The following DCC variants were observed in gnomAD, a reference collection of about 807,000 sequenced individuals.
DCC encodes DCC netrin 1 receptor, also known as netrin receptor DCC.
A neutral mutation model predicts 172.5 loss-of-function variants in DCC; 58 were observed. The observed-to-expected ratio is 0.34, with a 90% confidence interval of 0.27 to 0.42. DCC has a LOEUF of 0.42. DCC is among the 10% of genes least tolerant of loss of function. The pLI is 1.00. For missense variants in DCC, 1,740 were observed against 1,791.0 expected, an observed-to-expected ratio of 0.97 and a Z score of 0.51; for synonymous variants, 709 against 644.5, an observed-to-expected ratio of 1.10 and a Z score of -1.52.
intron 5 of DCC, among the ~76,000 whole-genome samples, chr18:52,956,945 A>G (rs949919664): frequency 3.3e-5 from 5 of 152,130 alleles, no homozygotes; most frequent in African/African-American, 1.2e-4. Context: ...CAATTTGTCA[A>G]TAGCAAGGCC....
chr18:53,491,922 C>T (rs547226713), intron 26 of DCC, among the ~76,000 whole-genome samples: 1 of 152,318 alleles, frequency 6.6e-6, no homozygotes, highest in South Asian at 2.1e-4. Flanking sequence ...ATTTACACTC[C>T]AACCAACAGT....
At chr18:53,126,214 T>TA (rs2043554080) in intron 7 of DCC, among the ~76,000 whole-genome samples, 1 of 151,618 alleles carries the variant, frequency 6.6e-6, no homozygotes, top group South Asian at 2.1e-4. Flanking sequence ...AATTTTTGCA[T>TA]GTATTTTGCA....
At position 53,339,700 on chromosome 18, in the gene DCC, T is replaced by A; in HGVS notation, c.2165-13T>A. Reference sequence around the variant, plus strand: ...TATGAGACATGCTGATGATGCCTCTTTTTGAATGCTAGAATCTCAAGTTCC... The same window carrying A: ...TATGAGACATGCTGATGATGCCTCTATTTGAATGCTAGAATCTCAAGTTCC... On this transcript the variant is annotated splice_polypyrimidine_tract_variant and intron_variant, in intron 14 of 28. Coordinates refer to ENST00000442544, the MANE Select transcript of DCC (RefSeq NM_005215.4). The A allele has an allele frequency of 6.2e-7, 1 of 1,612,140 alleles. No individual in the cohort carries two copies. Among genetic ancestry groups the A allele is most frequent in the Non-Finnish European group, 8.5e-7 (1 of 1,178,208 alleles).
intron 1 of DCC, among the ~76,000 whole-genome samples, chr18:52,563,960 T>C (rs2033098255): frequency 6.6e-6 from 1 of 152,158 alleles, no homozygotes; most frequent in South Asian, 2.1e-4. Flanking sequence ...TGGGAACTTA[T>C]GTAGAAAAGT....
At chr18:52,854,158 A>G (rs1229221719) in intron 2 of DCC, among the ~76,000 whole-genome samples, 1 of 152,210 alleles carries the variant, frequency 6.6e-6, no homozygotes, top group Non-Finnish European at 1.5e-5. Flanking sequence ...ATCCCAGACC[A>G]CTGGAAAGCA....
intron 1 of DCC, among the ~76,000 whole-genome samples, chr18:52,636,490 G>A (rs2034783168): frequency 6.6e-6 from 1 of 152,086 alleles, no homozygotes; most frequent in South Asian, 2.1e-4. Flanking sequence ...GGGCTGTTGG[G>A]GCAGACACAG....
chr18:53,369,546 T>A (rs2058039445), intron 15 of DCC, among the ~76,000 whole-genome samples: 1 of 151,982 alleles, frequency 6.6e-6, no homozygotes, highest in Admixed American at 6.6e-5. Flanking sequence ...AAAGTGGGCA[T>A]CCTTGTCTTT....
chr18:52,856,699 T>C lies in DCC; in HGVS notation c.413-49345T>C, dbSNP rs571243867. 7.2e-5 allele frequency among the ~76,000 whole-genome samples: 11 copies of C among 152,204 alleles called. 1 individual carries two copies. The South Asian group carries it at 2.1e-3, about 29-fold the overall frequency. ...TCACTACAACTTTTAATTAGAATTT[T>C]GTTAGTCATAATGGAATCTTTATAT... On this transcript the variant is annotated intron_variant, in intron 2 of 28. Transcript: ENST00000442544.
chr18:52,340,958 GA>G, intron 1 of DCC, 80 bp downstream of exon 1: 1 of 1,112,250 alleles, frequency 9.0e-7, no homozygotes, highest in Non-Finnish European at 1.4e-6. Flanking sequence ...GCGAGTAGTA[GA>G]ATTGGGGTGG....
rs1006179735 is a variant in DCC, at chr18:53,066,176, T to A, written c.1261+10T>A. On this transcript the variant is annotated intron_variant, in intron 7 of 28. Coordinates refer to ENST00000442544, the MANE Select transcript of DCC (RefSeq NM_005215.4). ...ATTGTCCCTAAGCCTGGTAAGACAA[T>A]GGGAACCTTGCTTTGGTACCTGGAA... The A allele has an allele frequency of 1.2e-6, 2 of 1,612,064 alleles. No homozygotes were observed. The highest frequency in any genetic ancestry group is 1.7e-6 in the Non-Finnish European group (2 of 1,178,668).
At chr18:53,504,315 G>A (rs1029849524) in intron 27 of DCC, among the ~76,000 whole-genome samples, 9 of 152,188 alleles carry the variant, frequency 5.9e-5, no homozygotes, top group Non-Finnish European at 1.2e-4. Flanking sequence ...CACAGGCAGA[G>A]GTCATGGGAG....
chr18:52,854,430 A>G (rs975479740), intron 2 of DCC, among the ~76,000 whole-genome samples: 1 of 152,202 alleles, frequency 6.6e-6, no homozygotes, highest in Non-Finnish European at 1.5e-5. Context: ...AAAAATTCTA[A>G]ATGAAGAGTA....
intron 12 of DCC, among the ~76,000 whole-genome samples, chr18:53,256,609 C>T (rs1283974209): frequency 2.0e-5 from 3 of 152,164 alleles, no homozygotes; most frequent in African/African-American, 7.2e-5. Flanking sequence ...GTTTTGGTTA[C>T]TGTAGCCTTG....
intron 23 of DCC, among the ~76,000 whole-genome samples, chr18:53,451,632 A>G (rs2045414298): frequency 6.6e-6 from 1 of 151,864 alleles, no homozygotes; most frequent in African/African-American, 2.4e-5. Flanking sequence ...TGGTTTGACA[A>G]CTGTGTACTT....
At chr18:52,794,651 C>T (rs1336845352) in intron 2 of DCC, among the ~76,000 whole-genome samples, 1 of 151,994 alleles carries the variant, frequency 6.6e-6, no homozygotes, top group African/African-American at 2.4e-5. Context: ...GATTGCTGTG[C>T]TAGCACTTCC....
At chr18:53,003,749 T>C (rs1280302639) in intron 5 of DCC, among the ~76,000 whole-genome samples, 1 of 152,070 alleles carries the variant, frequency 6.6e-6, no homozygotes, top group Non-Finnish European at 1.5e-5. Flanking sequence ...AAGAGACGAA[T>C]CTCAAAAACA....
rs1342437951 is a variant in DCC at position 52,649,997 on chromosome 18, A to C, written c.92-102057A>C. Among the ~76,000 whole-genome samples, 24 of 65,020 alleles carry C rather than the reference A, an allele frequency of 3.7e-4. 1 individual carries two copies. In the East Asian group the frequency reaches 0.01, roughly 28 times the overall value. The allele number at this position is 65,020 out of a possible 152,430, so 42.7% of individuals were successfully genotyped here. ...TATTTTTTTTTTTTTTTTTTTTTTG[A>C]GATGGAGTATCGCTCTTGTTGCCCA... On this transcript the variant is annotated intron_variant, in intron 1 of 28. Coordinates refer to ENST00000442544, the MANE Select transcript of DCC (RefSeq NM_005215.4).
intron 15 of DCC, among the ~76,000 whole-genome samples, chr18:53,346,843 C>T (rs1192852080): frequency 1.3e-5 from 2 of 152,074 alleles, no homozygotes; most frequent in East Asian, 3.9e-4. Context: ...TAATTTTAGA[C>T]TATATGTTAG....
chr18:53,345,550 T>C (rs1378855276), intron 15 of DCC, among the ~76,000 whole-genome samples: 1 of 152,178 alleles, frequency 6.6e-6, no homozygotes, highest in Non-Finnish European at 1.5e-5. Flanking sequence ...CCCAGATATA[T>C]GACATTTCTT....
Sources: allele counts gnomAD v4.1 joint callset (sites outside exome capture counted in the v4.1 genomes callset), GRCh38; gene constraint gnomAD v4.1.1; transcripts MANE v1.5; gene names NCBI Gene and HGNC (gene_info 2026-07-23, HGNC 2026-07-21).